The following SRCAP variants were observed in gnomAD, a reference collection of about 807,000 sequenced individuals.
SRCAP encodes the protein chromatin remodeling protein SRCAP.
Under a neutral mutation model 263.1 loss-of-function variants are expected in SRCAP, and 46 were observed. The ratio of observed to expected loss-of-function variants is 0.17; its 90% CI spans 0.14 to 0.22. The LOEUF (loss-of-function observed/expected upper bound fraction) is 0.22. Ranked by LOEUF, SRCAP falls within the 10% of genes least tolerant of loss-of-function variation. SRCAP has a pLI of 1.00. For synonymous variants in SRCAP, 1,813 were observed against 1,662.1 expected, an observed-to-expected ratio of 1.09 and a Z score of -2.21; for missense variants, 3,695 against 4,181.9, an observed-to-expected ratio of 0.88 and a Z score of 3.21.
chr16:30,714,507 C>CTTTTTTTTTTT (rs749242748), intron 16 of SRCAP, among the ~76,000 whole-genome samples: 85,385 of 99,618 alleles, frequency 0.86, 39,163 homozygotes, highest in South Asian at 0.97. Flanking sequence ...CCGTGCCGGG[C>CTTTTTTTTTTT]TTTTTTTTTT....
At chr16:30,728,885 A>G in intron 25 of SRCAP, 81 bp from the exon 26 acceptor site, 1 of 1,472,546 alleles carries the variant, frequency 6.8e-7, no homozygotes, top group Non-Finnish European at 9.0e-7. Flanking sequence ...CTATATATTT[A>G]TTTCCATCTG....
intron 12 of SRCAP, 51 bp from the exon 13 acceptor site, chr16:30,712,211 C>T: frequency 6.3e-7 from 1 of 1,599,982 alleles, no homozygotes; most frequent in Non-Finnish European, 8.5e-7. Flanking sequence ...CTCATGTCCC[C>T]ACAACAAATG....
chr16:30,732,362 A>C (rs2053121724), intron 27 of SRCAP, among the ~76,000 whole-genome samples: 1 of 151,154 alleles, frequency 6.6e-6, no homozygotes. Context: ...GAGGCAGGAA[A>C]ATTGCTTGAA....
chr16:30,723,861 A>G lies in SRCAP; in HGVS notation c.4437A>G (p.Pro1479=), dbSNP rs1161911847. The change falls in exon 25 of 34, where the codon CCA becomes CCG. Residue 1479 remains proline (P), a synonymous_variant. Transcript: ENST00000262518. The stretch of plus-strand genomic sequence containing the variant: ...CTCTGTTGACCAGTGTGACTCCACC[A>G]TTGGCACCTGTTGTCCCAGCGGCTC... ...GPALLTSVTP[P]LAPVVPAAPG... 1.2e-6 allele frequency: 2 copies of G among 1,613,776 alleles called. No homozygotes were observed. The highest frequency in any genetic ancestry group is 1.3e-5 in the African/African-American group (1 of 74,800).
intron 27 of SRCAP, among the ~76,000 whole-genome samples, chr16:30,731,332 C>T (rs2053112647): frequency 6.6e-6 from 1 of 152,208 alleles, no homozygotes; most frequent in Non-Finnish European, 1.5e-5. Context: ...CAAAGAACCT[C>T]TGCCAGCTGT....
intron 18 of SRCAP, among the ~76,000 whole-genome samples, chr16:30,719,704 G>T (rs1234162789): frequency 1.3e-5 from 2 of 152,054 alleles, no homozygotes; most frequent in African/African-American, 4.8e-5. Context: ...TGTAGAGACG[G>T]GGTCTTACTA....
intron 31 of SRCAP, among the ~76,000 whole-genome samples, chr16:30,735,567 C>CT (rs10663863): frequency 0.01 from 708 of 69,574 alleles, 63 homozygotes; most frequent in African/African-American, 0.038. Flanking sequence ...TTTGACATTA[C>CT]TTTTTTTTTT....
chr16:30,700,461 C>G (rs995293732), intron 2 of SRCAP, among the ~76,000 whole-genome samples, 155 bp from the exon 3 acceptor site: 3 of 152,196 alleles, frequency 2.0e-5, no homozygotes, highest in African/African-American at 4.8e-5. Flanking sequence ...CAAACAGGTA[C>G]TAAAAGTATC....
At chr16:30,700,512 C>G in intron 2 of SRCAP, 104 bp from the exon 3 acceptor site, 1 of 259,006 alleles carries the variant, frequency 3.9e-6, no homozygotes, top group Non-Finnish European at 7.5e-6. Flanking sequence ...CCTGTAATTT[C>G]TGTGTTTCTC....
chr16:30,739,516 C>G lies in SRCAP; in HGVS notation c.9476C>G (p.Pro3159Arg), dbSNP rs2053202072. 6.2e-7 allele frequency: 1 copy of G among 1,612,540 alleles called. No individual in the cohort carries two copies. Among genetic ancestry groups the G allele is most frequent in the Non-Finnish European group, 8.5e-7 (1 of 1,179,430 alleles). The change falls in exon 34 of 34, where the codon CCC becomes CGC. Residue 3159 changes from proline to arginine, a missense_variant. By Grantham distance (103) the Pro-to-Arg change is moderately radical. Coordinates refer to ENST00000262518, the MANE Select transcript of SRCAP (RefSeq NM_006662.3). ...CTGGCAAAGCGGGGCCGCCTACAGC[C>G]CCCAAGTCCCCTGGGGCCTGAGGGT... is the stretch of plus-strand genomic sequence containing the variant. ...PGLAKRGRLQ[P>R]PSPLGPEGSV...
intron 16 of SRCAP, among the ~76,000 whole-genome samples, chr16:30,714,603 C>T (rs2052927720): frequency 6.6e-6 from 1 of 151,020 alleles, no homozygotes; most frequent in African/African-American, 2.4e-5. Context: ...CAGGTTCAAG[C>T]GATTCTCCTG....
chr16:30,738,667 G>A lies in SRCAP; in HGVS notation c.8627G>A (p.Gly2876Asp), dbSNP rs1399175674. The change falls in exon 34 of 34, where the codon GGT (glycine) becomes GAT (aspartate). Residue 2876 changes from glycine to aspartate, a missense_variant. This residue lies in a region of SRCAP where 1,207 missense variants were observed against 1,142.9 expected (regional missense o/e 1.06). Transcript: ENST00000262518. Reference sequence around the variant, plus strand: ...AGGTCTCCAGCAGATGCTGGGAGAGGTGTGGATGAGGCACCCTCATCCACC... The same window carrying A: ...AGGTCTCCAGCAGATGCTGGGAGAGATGTGGATGAGGCACCCTCATCCACC... ...KNRSPADAGR[G>D]VDEAPSSTLK... 4 of 1,613,340 alleles carry A rather than the reference G, an allele frequency of 2.5e-6. No individual in the cohort carries two copies. Among genetic ancestry groups the A allele is most frequent in the African/African-American group, 1.3e-5 (1 of 74,904 alleles).
rs777602097 is a variant in SRCAP at position 30,711,699 on chromosome 16, G to A, written c.1447G>A (p.Val483Met). The change falls in exon 11 of 34, where the codon GTG (valine) becomes ATG (methionine). Residue 483 changes from valine (V) to methionine (M), a missense_variant. Physicochemically the swap from Val to Met is conservative, Grantham distance 21. Coordinates refer to ENST00000262518, the MANE Select transcript of SRCAP (RefSeq NM_006662.3). ...CTCTGACTGTGAACCAGAGGGGCCC[G>A]TGGAAGCGGAAGAGCCTCCTCAGGA... ...NSSDCEPEGP[V>M]EAEEPPQEDS... 1.1e-5 allele frequency: 18 copies of A among 1,613,890 alleles called. No homozygotes were observed. Among genetic ancestry groups the A allele is most frequent in the Non-Finnish European group, 1.4e-5 (17 of 1,179,944 alleles).
chr16:30,703,884 G>A (rs780164712), intron 3 of SRCAP, among the ~76,000 whole-genome samples, 180 bp from the exon 4 acceptor site: 26 of 146,186 alleles, frequency 1.8e-4, no homozygotes, highest in Non-Finnish European at 3.0e-4. Context: ...GCGACAGAGC[G>A]AGACTCCATC....
rs768408403 is a variant in SRCAP at position 30,723,714 on chromosome 16, A to C, written c.4290A>C (p.Thr1430=). The change falls in exon 25 of 34, where the codon ACA becomes ACC. Residue 1430 remains threonine, a synonymous_variant. Coordinates refer to ENST00000262518, the MANE Select transcript of SRCAP (RefSeq NM_006662.3). ...CCCTTGCTAGTCCTGTGTCCTCTACAGTCTCAGTTCCATTGTCATCTTCAC... is the reference window on the plus strand; with the variant it reads ...CCCTTGCTAGTCCTGTGTCCTCTACCGTCTCAGTTCCATTGTCATCTTCAC... ...SSPLASPVSS[T]VSVPLSSSLP... The C allele has an allele frequency of 4.3e-6, 7 of 1,613,852 alleles. No individual in the cohort carries two copies. The highest frequency in any genetic ancestry group is 5.9e-6 in the Non-Finnish European group (7 of 1,179,936).
In SRCAP at chr16:30,736,384, TC is replaced by T; in HGVS notation, c.6915del (p.Val2306Ter). On this transcript the variant is annotated frameshift_variant, in exon 32 of 34. Coordinates refer to ENST00000262518, the MANE Select transcript of SRCAP (RefSeq NM_006662.3). ...CGGGCTGAGCAGGAAATTGCTGCCC[TC>T]GTAGAACAGGTCAGTGCTGGACCCA... ...MSRAEQEIAA[L>X]VEQLTPIERY... 1 of 1,612,394 alleles carries T rather than the reference TC, an allele frequency of 6.2e-7. No homozygotes were observed. The highest frequency in any genetic ancestry group is 8.5e-7 in the Non-Finnish European group (1 of 1,178,958).
rs557790573 is a variant in SRCAP, at chr16:30,710,843, G to C, written c.1224G>C (p.Glu408Asp). ...EDDEEFTANE[E>D]EAEDEEDTIA... Reference sequence around the variant, plus strand: ...ATGAAGAGTTTACTGCCAACGAAGAGGAAGGTCAGGGCTGTTCGGTTTGTC... The same window carrying C: ...ATGAAGAGTTTACTGCCAACGAAGACGAAGGTCAGGGCTGTTCGGTTTGTC... Residue 408 changes from glutamate (E) to aspartate (D), a missense_variant, in exon 9 of 34, where the codon GAG becomes GAC. Glu to Asp is a conservative substitution (Grantham distance 45). Coordinates refer to ENST00000262518, the MANE Select transcript of SRCAP (RefSeq NM_006662.3). 5.9e-4 allele frequency: 947 copies of C among 1,614,182 alleles called. 15 individuals carry two copies. The South Asian group carries it at 9.7e-3, about 17-fold the overall frequency.
chr16:30,722,448 G>C (rs1415742426), intron 22 of SRCAP, 115 bp from the exon 23 acceptor site: 2 of 1,505,620 alleles, frequency 1.3e-6, no homozygotes, highest in Non-Finnish European at 1.8e-6. Flanking sequence ...ATAGGGAAGA[G>C]GTCATTCTAG....
In SRCAP at chr16:30,733,851, G is replaced by A. The variant is rs1301931973; in HGVS notation, c.6495-43G>A. 1 of 1,612,708 alleles carries A rather than the reference G, an allele frequency of 6.2e-7. No individual in the cohort carries two copies. Among genetic ancestry groups the A allele is most frequent in the Non-Finnish European group, 8.5e-7 (1 of 1,179,066 alleles). ...TTTCCGTTTACTGATGGGGTTTCCT[G>A]GATATATTTGGCTGCTTACACACGG... On this transcript the variant is annotated intron_variant, in intron 29 of 33. Coordinates refer to ENST00000262518, the MANE Select transcript of SRCAP (RefSeq NM_006662.3). The surrounding 1 kb of genome is among the most constrained non-coding windows in gnomAD (Gnocchi z 5.3).
Sources: gnomAD v4.1 joint callset for allele counts (sites outside exome capture counted in the v4.1 genomes callset) on GRCh38, gnomAD v4.1.1 for gene constraint, gnomAD v4.1.1 regional missense constraint, Gnocchi (gnomAD v3.1) non-coding constraint, MANE v1.5 for transcripts, NCBI Gene and HGNC (gene_info 2026-07-23, HGNC 2026-07-21) for gene names.